TLE4: variants seen among roughly 807,000 people sequenced by gnomAD.
TLE4 encodes TLE family member 4, transcriptional corepressor, also known as transducin-like enhancer protein 4.
In TLE4, 8 loss-of-function variants were observed where a neutral mutation model predicts 92.8. The ratio of observed to expected loss-of-function variants is 0.09; its 90% CI spans 0.05 to 0.16. The LOEUF is 0.16. Ranked by LOEUF, TLE4 falls within the 10% of genes least tolerant of loss-of-function variation. TLE4 has a pLI of 1.00. For synonymous variants in TLE4, 371 were observed against 374.1 expected (o/e 0.99, Z 0.10); for missense variants, 675 against 997.6 (o/e 0.68, Z 4.36).
At chr9:79,599,167 G>A (rs778557257) in intron 4 of TLE4, among the ~76,000 whole-genome samples, 4 of 152,140 alleles carry the variant, frequency 2.6e-5, no homozygotes, top group Non-Finnish European at 5.9e-5. Flanking sequence ...ACTTTCCTAG[G>A]AATTGACCTT....
In TLE4 at chr9:79,652,819, A is replaced by G. The variant is rs140419571; in HGVS notation, c.592+25A>G. ...GGTGAGTAACTCTCTTGGAATGCCAATCTGAGATGACCTACTTGCTGCTGA... is the reference window on the plus strand; with the variant it reads ...GGTGAGTAACTCTCTTGGAATGCCAGTCTGAGATGACCTACTTGCTGCTGA... On this transcript the variant is annotated intron_variant, in intron 7 of 19. Transcript: ENST00000376552. 427 of 1,608,106 alleles carry G rather than the reference A, an allele frequency of 2.7e-4. 1 individual carries two copies. The East Asian group carries it at 7.6e-3, about 29-fold the overall frequency.
At chr9:79,615,810 A>G (rs969248709) in intron 5 of TLE4, among the ~76,000 whole-genome samples, 3 of 152,206 alleles carry the variant, frequency 2.0e-5, no homozygotes, top group African/African-American at 7.2e-5. Flanking sequence ...AAAACATTTA[A>G]AAATATTAAA....
chr9:79,684,404 ACCT>A lies in TLE4; in HGVS notation c.610-20375_610-20373del, dbSNP rs533236555. 2.0e-3 allele frequency among the ~76,000 whole-genome samples: 299 copies of A among 151,930 alleles called. 1 individual carries two copies. Among genetic ancestry groups the A allele is most frequent in the African/African-American group, 6.8e-3 (281 of 41,470 alleles). Reference sequence around the variant, plus strand: ...GAGTGAGCATTACCACCTGAGCTCCACCTCCTGTCACATCAGCAGTGGCATTAG... The same window carrying A: ...GAGTGAGCATTACCACCTGAGCTCCACCTGTCACATCAGCAGTGGCATTAG... On this transcript the variant is annotated intron_variant, in intron 8 of 19. Transcript: ENST00000376552.
chr9:79,627,694 T>G (rs2052982990), intron 6 of TLE4: 1 of 463,216 alleles, frequency 2.2e-6, no homozygotes, highest in Admixed American at 3.9e-5. Flanking sequence ...GATAGCTCTT[T>G]TTCATATTTC....
chr9:79,573,070 G>A (rs1326252563), intron 1 of TLE4, among the ~76,000 whole-genome samples: 1 of 152,014 alleles, frequency 6.6e-6, no homozygotes, highest in Non-Finnish European at 1.5e-5. Flanking sequence ...TGTCTTTGAA[G>A]CCCCTGGAAG....
At chr9:79,657,953 T>G (rs1179329388) in intron 8 of TLE4, among the ~76,000 whole-genome samples, 2 of 152,216 alleles carry the variant, frequency 1.3e-5, no homozygotes, top group Admixed American at 1.3e-4. Context: ...GCAATAGCCT[T>G]CTCAAGTCAC....
At chr9:79,695,969 A>T (rs1384253545) in intron 8 of TLE4, among the ~76,000 whole-genome samples, 4 of 152,086 alleles carry the variant, frequency 2.6e-5, no homozygotes, top group Admixed American at 1.3e-4. Flanking sequence ...ATCAAGTGTG[A>T]GATGTTTGTC....
intron 4 of TLE4, among the ~76,000 whole-genome samples, chr9:79,597,515 T>C (rs1158258386): frequency 6.6e-6 from 1 of 152,146 alleles, no homozygotes; most frequent in Admixed American, 6.5e-5. Context: ...GACCATTGTA[T>C]GTCCTCATTT....
At chr9:79,663,779 G>A (rs987739717) in intron 8 of TLE4, among the ~76,000 whole-genome samples, 1 of 152,072 alleles carries the variant, frequency 6.6e-6, no homozygotes, top group African/African-American at 2.4e-5. Context: ...TAGATAGAAA[G>A]TTGTGGCAGT....
chr9:79,680,052 A>T (rs975716060), intron 8 of TLE4, among the ~76,000 whole-genome samples: 1 of 152,174 alleles, frequency 6.6e-6, no homozygotes, highest in African/African-American at 2.4e-5. Context: ...AGGTAGCGTG[A>T]TGCCTCCGGC....
chr9:79,588,233 C>T (rs569182680), intron 4 of TLE4, among the ~76,000 whole-genome samples: 9 of 151,506 alleles, frequency 5.9e-5, no homozygotes, highest in East Asian at 5.8e-4. Context: ...TTGTGATCTC[C>T]GCCTCCTGGG....
At chr9:79,702,064 G>A (rs1348518903) in intron 8 of TLE4, among the ~76,000 whole-genome samples, 2 of 152,216 alleles carry the variant, frequency 1.3e-5, no homozygotes, top group Non-Finnish European at 2.9e-5. Flanking sequence ...TCAAAAGATA[G>A]ATCTTGAGAA....
In TLE4 at chr9:79,652,957, A is replaced by G. The variant is rs528718878; in HGVS notation, c.592+163A>G. The G allele has an allele frequency of 9.7e-5, 81 of 833,110 alleles. No individual in the cohort carries two copies. The African/African-American group carries it at 1.2e-3, about 12-fold the overall frequency. 51.6% of individuals were successfully genotyped at this position (833,110 alleles called of 1,614,324 possible). A position where few individuals can be genotyped will look rare whatever the true frequency, so the allele number is the denominator to read the frequency against. On this transcript the variant is annotated intron_variant, in intron 7 of 19. Transcript: ENST00000376552. ...ATTACTGCAAGTAGTCAATTGCCAA[A>G]TGATATTCTAGTGGTTGGCAAGAGC...
intron 4 of TLE4, among the ~76,000 whole-genome samples, chr9:79,597,752 T>C (rs2044380732): frequency 6.6e-6 from 1 of 152,224 alleles, no homozygotes; most frequent in South Asian, 2.1e-4. Flanking sequence ...TACTCTTGCA[T>C]TTGTTTACTT....
chr9:79,620,348 T>TA (rs2050658164), intron 5 of TLE4, among the ~76,000 whole-genome samples: 1 of 152,252 alleles, frequency 6.6e-6, no homozygotes, highest in African/African-American at 2.4e-5. Flanking sequence ...GTGGCTGTCA[T>TA]ATTATTAGCA....
At position 79,646,151 on chromosome 9, in the gene TLE4, G is replaced by T. The variant is rs182237594; in HGVS notation, c.391-6442G>T. Among the ~76,000 whole-genome samples, 32 of 151,926 alleles carry T rather than the reference G, an allele frequency of 2.1e-4. No individual in the cohort carries two copies. In the East Asian group the frequency reaches 2.7e-3, roughly 13 times the overall value. ...ATCCGTAACAAATCTGTGTTATACTGTGTACTCTTAATGTACATTTCCCTT... is the reference window on the plus strand; with the variant it reads ...ATCCGTAACAAATCTGTGTTATACTTTGTACTCTTAATGTACATTTCCCTT... On this transcript the variant is annotated intron_variant, in intron 6 of 19. Transcript: ENST00000376552.
rs367983587 is a variant in TLE4 at position 79,594,125 on chromosome 9, A to T, written c.252+17948A>T. Among the ~76,000 whole-genome samples, 149 of 152,354 alleles carry T rather than the reference A, an allele frequency of 9.8e-4. No individual in the cohort carries two copies. The Middle Eastern group carries it at 0.02, about 21-fold the overall frequency. ...AGCTACAGAGGTGATTTTGATGTAC[A>T]GCAAGGTTGAGGACCAGCGAACTAG... On this transcript the variant is annotated intron_variant, in intron 4 of 19. Coordinates refer to ENST00000376552, the MANE Select transcript of TLE4 (RefSeq NM_007005.6).
intron 5 of TLE4, among the ~76,000 whole-genome samples, chr9:79,621,590 G>A (rs2050994399): frequency 6.6e-6 from 1 of 152,146 alleles, no homozygotes; most frequent in African/African-American, 2.4e-5. Flanking sequence ...GGAGAGACTG[G>A]TTAGGGTGTG....
chr9:79,645,909 T>A (rs2058035996), intron 6 of TLE4, among the ~76,000 whole-genome samples: 1 of 152,054 alleles, frequency 6.6e-6, no homozygotes, highest in Admixed American at 6.6e-5. Context: ...CCAAAGATAA[T>A]AAAGGCCTAG....
Sources: gnomAD v4.1 joint callset for allele counts (sites outside exome capture counted in the v4.1 genomes callset) on GRCh38, gnomAD v4.1.1 for gene constraint, MANE v1.5 for transcripts, NCBI Gene and HGNC (gene_info 2026-07-23, HGNC 2026-07-21) for gene names.